Variants in TEAD1 observed in about 807,000 individuals in gnomAD.
TEAD1 encodes transcriptional enhancer factor TEF-1.
TEAD1 carries 9 observed loss-of-function variants against 54.9 expected under a neutral mutation model. The observed-to-expected ratio is 0.16, with a 90% CI of 0.10 to 0.29. TEAD1 has a LOEUF of 0.29. Ranked by LOEUF, TEAD1 falls within the 10% of genes least tolerant of loss-of-function variation. The pLI is 1.00. For missense variants in TEAD1, 387 were observed against 535.9 expected (o/e 0.72, Z 2.74); for synonymous variants, 200 against 187.8 (o/e 1.07, Z -0.53).
At chr11:12,714,156 G>A (rs1413752704) in intron 2 of TEAD1, among the ~76,000 whole-genome samples, 1 of 152,146 alleles carries the variant, frequency 6.6e-6, no homozygotes, top group Non-Finnish European at 1.5e-5. Context: ...AGGCTGCCAG[G>A]CAGTTCATCA....
intron 3 of TEAD1, among the ~76,000 whole-genome samples, chr11:12,844,490 G>T (rs1019159588): frequency 2.0e-5 from 3 of 152,036 alleles, no homozygotes; most frequent in African/African-American, 7.3e-5. Flanking sequence ...TTAATCCAGG[G>T]ATTAAATTGT....
At chr11:12,862,406 A>G (rs1947524148) in intron 4 of TEAD1, 92 bp downstream of exon 4, 2 of 1,188,272 alleles carry the variant, frequency 1.7e-6, no homozygotes. Context: ...GGCTCCTAGG[A>G]GCCCCCAATT....
At chr11:12,866,522 A>G (rs982737341) in intron 5 of TEAD1, among the ~76,000 whole-genome samples, 5 of 152,228 alleles carry the variant, frequency 3.3e-5, no homozygotes, top group East Asian at 1.9e-4. Flanking sequence ...CTGTTGCTTT[A>G]TACATGTACA....
At chr11:12,906,690 A>G (rs1391334300) in intron 10 of TEAD1, among the ~76,000 whole-genome samples, 1 of 152,078 alleles carries the variant, frequency 6.6e-6, no homozygotes, top group Non-Finnish European at 1.5e-5. Context: ...GTTAGTTCTT[A>G]TTTCCACCCC....
chr11:12,778,030 T>C (rs1449450259), intron 3 of TEAD1, among the ~76,000 whole-genome samples: 1 of 152,232 alleles, frequency 6.6e-6, no homozygotes, highest in Admixed American at 6.5e-5. Context: ...TGAATATTTA[T>C]GCTTGCAATG....
chr11:12,737,507 T>G (rs1944561895), intron 2 of TEAD1, among the ~76,000 whole-genome samples: 1 of 152,156 alleles, frequency 6.6e-6, no homozygotes, highest in South Asian at 2.1e-4. Context: ...CCCTTGTCAT[T>G]TCAGCATTAC....
At chr11:12,743,184 G>A (rs759256817) in intron 2 of TEAD1, among the ~76,000 whole-genome samples, 5 of 152,254 alleles carry the variant, frequency 3.3e-5, no homozygotes, top group South Asian at 2.1e-4. Context: ...GTTCCCCTCC[G>A]CAGAAAAGGG....
At chr11:12,693,569 C>T (rs972683451) in intron 2 of TEAD1, among the ~76,000 whole-genome samples, 3 of 152,196 alleles carry the variant, frequency 2.0e-5, no homozygotes, top group African/African-American at 4.8e-5. Context: ...GAAGTTGAAA[C>T]GCTGTTAAGT....
At chr11:12,879,502 T>A in intron 5 of TEAD1, 1 of 691,284 alleles carries the variant, frequency 1.4e-6, no homozygotes, top group African/African-American at 1.8e-5. Flanking sequence ...CCTTGCCCCA[T>A]TGGGTCTTCC....
intron 9 of TEAD1, among the ~76,000 whole-genome samples, chr11:12,890,895 G>A (rs1268544721): frequency 3.3e-5 from 5 of 152,116 alleles, no homozygotes; most frequent in Admixed American, 3.3e-4. Context: ...CTCCCACATA[G>A]CTGGGATTAC....
At chr11:12,925,147 G>A (rs1332840728) in intron 11 of TEAD1, 95 bp downstream of exon 11, 10 of 1,424,404 alleles carry the variant, frequency 7.0e-6, no homozygotes, top group Non-Finnish European at 9.8e-6. Context: ...ATTTTTGGAT[G>A]TCTGCTTCTT....
chr11:12,834,387 A>G (rs1314225891), intron 3 of TEAD1, among the ~76,000 whole-genome samples: 1 of 152,198 alleles, frequency 6.6e-6, no homozygotes. Flanking sequence ...GTGCAATCTG[A>G]CAGACCTGGG....
chr11:12,885,790 T>G (rs1948074849), intron 9 of TEAD1, among the ~76,000 whole-genome samples: 1 of 152,208 alleles, frequency 6.6e-6, no homozygotes, highest in Non-Finnish European at 1.5e-5. Context: ...AAGGCTCGAT[T>G]GCCTCTTTTT....
intron 3 of TEAD1, among the ~76,000 whole-genome samples, chr11:12,847,579 T>G (rs1000636340): frequency 1.8e-4 from 28 of 152,288 alleles, no homozygotes; most frequent in Middle Eastern, 3.4e-3. Flanking sequence ...CAGAAGTGTG[T>G]GTAGAGAGTG....
At chr11:12,842,661 A>G (rs911106521) in intron 3 of TEAD1, among the ~76,000 whole-genome samples, 2 of 152,132 alleles carry the variant, frequency 1.3e-5, no homozygotes, top group Non-Finnish European at 2.9e-5. Context: ...GCATGTCTGA[A>G]GGCCGTTTCC....
intron 3 of TEAD1, among the ~76,000 whole-genome samples, chr11:12,819,088 A>G (rs1240567873): frequency 6.6e-6 from 1 of 152,174 alleles, no homozygotes; most frequent in Non-Finnish European, 1.5e-5. Context: ...GAGAACCTAA[A>G]CTTTAGAATT....
At chr11:12,776,791 T>TTATTATTAA (rs1554932198) in intron 3 of TEAD1, among the ~76,000 whole-genome samples, 2 of 120,812 alleles carry the variant, frequency 1.7e-5, no homozygotes, top group Non-Finnish European at 3.0e-5. Flanking sequence ...ATTATTATTA[T>TTATTATTAA]TATTATTATC....
At chr11:12,754,082 T>A (rs1279904565) in intron 2 of TEAD1, among the ~76,000 whole-genome samples, 1 of 152,236 alleles carries the variant, frequency 6.6e-6, no homozygotes, top group Non-Finnish European at 1.5e-5. Flanking sequence ...TCTGATTCCT[T>A]GGCCTATTTT....
intron 3 of TEAD1, among the ~76,000 whole-genome samples, chr11:12,811,395 G>A (rs1054534688): frequency 6.6e-6 from 1 of 152,206 alleles, no homozygotes; most frequent in Non-Finnish European, 1.5e-5. Flanking sequence ...GTTGGAACAA[G>A]ACTTCTTAGT....
Sources: gnomAD v4.1 joint callset for allele counts (sites outside exome capture counted in the v4.1 genomes callset) on GRCh38, gnomAD v4.1.1 for gene constraint, MANE v1.5 for transcripts, NCBI Gene and HGNC (gene_info 2026-07-23, HGNC 2026-07-21) for gene names.